The following PXDNL variants were observed in gnomAD, a reference collection of about 807,000 sequenced individuals.
PXDNL encodes peroxidasin like.
In PXDNL, 145 loss-of-function variants were observed where a neutral mutation model predicts 150.8. That is an observed-to-expected ratio of 0.96 (90% CI 0.84 to 1.10). The LOEUF is 1.10. Ranked by LOEUF, PXDNL falls within the 50% of genes least tolerant of loss-of-function variation. The pLI is 0.00. For missense variants in PXDNL, 2,087 were observed against 1,873.9 expected, an observed-to-expected ratio of 1.11 and a Z score of -2.10; for synonymous variants, 757 against 725.7, an observed-to-expected ratio of 1.04 and a Z score of -0.69.
chr8:51,483,057 A>C (rs186224673), intron 6 of PXDNL, among the ~76,000 whole-genome samples: 21 of 152,336 alleles, frequency 1.4e-4, no homozygotes, highest in Admixed American at 5.9e-4. Context: ...TAAAGACATC[A>C]ACAGTGTAGA....
At chr8:51,645,324 T>G (rs1814894059) in intron 2 of PXDNL, among the ~76,000 whole-genome samples, 1 of 152,136 alleles carries the variant, frequency 6.6e-6, no homozygotes, top group Non-Finnish European at 1.5e-5. Context: ...AGAAACACCC[T>G]CTCAGACACA....
Position 51,779,201 on chromosome 8 carries a change from A to C in PXDNL, c.164+29980T>G, listed in dbSNP as rs142922385. The stretch of plus-strand genomic sequence containing the variant: ...GTTGATAGCTTCCCATCAGTACACA[A>C]GCTCTGTGTGATTAAAACATGCCCT... On this transcript the variant is annotated intron_variant, in intron 1 of 22. Coordinates refer to ENST00000356297, the MANE Select transcript of PXDNL (RefSeq NM_144651.5). Among the ~76,000 whole-genome samples, 1,367 of 152,352 alleles carry C rather than the reference A, an allele frequency of 9.0e-3. 7 individuals carry two copies. The highest frequency in any genetic ancestry group is 0.03 in the South Asian group (147 of 4,826).
intron 21 of PXDNL, among the ~76,000 whole-genome samples, chr8:51,333,274 AG>A (rs1805741322): frequency 7.1e-6 from 1 of 141,322 alleles, no homozygotes; most frequent in African/African-American, 2.7e-5. Context: ...AGTCATTTTC[AG>A]GCAAACAAAT....
At chr8:51,772,145 C>T (rs1043775751) in intron 1 of PXDNL, among the ~76,000 whole-genome samples, 1 of 152,000 alleles carries the variant, frequency 6.6e-6, no homozygotes, top group Admixed American at 6.6e-5. Context: ...TCCTGTTTCC[C>T]ACTCTCTTTG....
At chr8:51,799,382 G>A (rs2037595608) in intron 1 of PXDNL, among the ~76,000 whole-genome samples, 1 of 152,030 alleles carries the variant, frequency 6.6e-6, no homozygotes, top group South Asian at 2.1e-4. Context: ...CATGTATCCT[G>A]GAACTTAAAA....
intron 1 of PXDNL, among the ~76,000 whole-genome samples, chr8:51,716,340 C>G (rs967674995): frequency 6.6e-6 from 1 of 152,218 alleles, no homozygotes; most frequent in South Asian, 2.1e-4. Flanking sequence ...GACAAAAATC[C>G]TAAAACAATC....
chr8:51,780,658 T>C (rs1372332092), intron 1 of PXDNL, among the ~76,000 whole-genome samples: 3 of 135,420 alleles, frequency 2.2e-5, no homozygotes, highest in Non-Finnish European at 3.2e-5. Context: ...TCTTTTCTTT[T>C]TTTTTTTTTT....
intron 8 of PXDNL, among the ~76,000 whole-genome samples, chr8:51,459,918 A>C (rs1810032538): frequency 6.6e-6 from 1 of 152,178 alleles, no homozygotes; most frequent in African/African-American, 2.4e-5. Flanking sequence ...AGATACCAGA[A>C]ATATTGACAA....
At chr8:51,332,023 G>T (rs1456823818) in intron 21 of PXDNL, among the ~76,000 whole-genome samples, 1 of 152,132 alleles carries the variant, frequency 6.6e-6, no homozygotes, top group East Asian at 1.9e-4. Context: ...AGGTCAACCA[G>T]CACAAAAATA....
intron 1 of PXDNL, among the ~76,000 whole-genome samples, chr8:51,733,822 T>C (rs1044100435): frequency 7.1e-6 from 1 of 141,408 alleles, no homozygotes; most frequent in African/African-American, 2.5e-5. Flanking sequence ...AATATATATA[T>C]ATATATATAT....
chr8:51,457,587 G>C lies in PXDNL; in HGVS notation c.893C>G (p.Ser298Ter). 1 of 1,613,804 alleles carries C rather than the reference G, an allele frequency of 6.2e-7. No individual in the cohort carries two copies. Among genetic ancestry groups the C allele is most frequent in the South Asian group, 1.1e-5 (1 of 91,070 alleles). Residue 298 changes from serine (S) to a stop codon, truncating the protein, a stop_gained, in exon 9 of 23, where the codon TCA (serine) becomes TGA (stop). Transcript: ENST00000356297. LOFTEE classifies it high-confidence loss of function. ...CATGCACTGATAGACACCTTGGTCT[G>C]ACTCTCTGGTGTTTCGGATCATGAG... ...GTLMIRNTRE[S>*]DQGVYQCMAR...
intron 4 of PXDNL, among the ~76,000 whole-genome samples, chr8:51,501,459 C>T (rs1032139500): frequency 4.0e-5 from 6 of 151,738 alleles, no homozygotes; most frequent in Non-Finnish European, 1.5e-5. Context: ...TACATATACT[C>T]ATATGCACTA....
intron 8 of PXDNL, among the ~76,000 whole-genome samples, chr8:51,459,255 C>G (rs529411325): frequency 1.3e-4 from 20 of 152,202 alleles, no homozygotes; most frequent in African/African-American, 4.8e-4. Flanking sequence ...CTTAAAGTTC[C>G]CCATTCAAGG....
chr8:51,378,976 A>C (rs1384177224), intron 17 of PXDNL, among the ~76,000 whole-genome samples: 1 of 152,200 alleles, frequency 6.6e-6, no homozygotes, highest in South Asian at 2.1e-4. Flanking sequence ...TTCTGGACAC[A>C]CAATCACAGC....
intron 17 of PXDNL, among the ~76,000 whole-genome samples, chr8:51,388,348 A>T (rs959887124): frequency 2.0e-5 from 3 of 152,258 alleles, no homozygotes; most frequent in Non-Finnish European, 4.4e-5. Flanking sequence ...GGAATATATT[A>T]ATCAGTCTTT....
intron 4 of PXDNL, among the ~76,000 whole-genome samples, chr8:51,554,704 C>T (rs1812565486): frequency 1.3e-5 from 2 of 152,148 alleles, no homozygotes; most frequent in Non-Finnish European, 2.9e-5. Flanking sequence ...TTATTTGCCA[C>T]GTTAGAAAAT....
chr8:51,647,006 A>G (rs1004028352), intron 2 of PXDNL, among the ~76,000 whole-genome samples: 3 of 152,148 alleles, frequency 2.0e-5, no homozygotes, highest in African/African-American at 2.4e-5. Context: ...ATATACTGTA[A>G]AAAGGATACA....
At chr8:51,761,508 G>A (rs1322343909) in intron 1 of PXDNL, among the ~76,000 whole-genome samples, 1 of 152,140 alleles carries the variant, frequency 6.6e-6, no homozygotes, top group African/African-American at 2.4e-5. Context: ...TTAAGGCTAT[G>A]CCTCACCGTA....
At chr8:51,473,762 A>C (rs1003232379) in intron 7 of PXDNL, among the ~76,000 whole-genome samples, 1 of 152,092 alleles carries the variant, frequency 6.6e-6, no homozygotes. Context: ...AAAAAAAAAA[A>C]ACAGTAAGTG....
Sources: gnomAD v4.1 joint callset for allele counts (sites outside exome capture counted in the v4.1 genomes callset) on GRCh38, gnomAD v4.1.1 for gene constraint, MANE v1.5 for transcripts, NCBI Gene and HGNC (gene_info 2026-07-23, HGNC 2026-07-21) for gene names.